The following SPON1 variants were observed in gnomAD, a reference collection of about 807,000 sequenced individuals.
SPON1 encodes the protein spondin 1, also known as spondin-1.
SPON1 carries 52 observed loss-of-function variants against 111.7 expected under a neutral mutation model. That is an observed-to-expected ratio of 0.47 (90% confidence interval 0.37 to 0.59). SPON1 has a LOEUF of 0.59. Ranked by LOEUF, SPON1 falls within the 20% of genes least tolerant of loss-of-function variation. SPON1 has a pLI of 0.00. For missense variants in SPON1, 957 were observed against 1,068.5 expected (o/e 0.90, Z 1.46); for synonymous variants, 410 against 395.8 (o/e 1.04, Z -0.43).
At chr11:14,201,743 A>G (rs1848466606) in intron 6 of SPON1, among the ~76,000 whole-genome samples, 1 of 152,200 alleles carries the variant, frequency 6.6e-6, no homozygotes, top group Non-Finnish European at 1.5e-5. Flanking sequence ...GAGTATATAC[A>G]CATAAGTATT....
intron 6 of SPON1, among the ~76,000 whole-genome samples, chr11:14,146,147 A>T (rs1554929318): frequency 1.6e-5 from 2 of 126,842 alleles, no homozygotes; most frequent in African/African-American, 2.8e-5. Flanking sequence ...ACAAATTACT[A>T]TACTTTTTTT....
At chr11:14,175,339 G>T (rs527342494) in intron 6 of SPON1, among the ~76,000 whole-genome samples, 77 of 152,272 alleles carry the variant, frequency 5.1e-4, no homozygotes, top group Non-Finnish European at 9.1e-4. Context: ...ATTCCCACAT[G>T]GTCACTAAGT....
intron 6 of SPON1, among the ~76,000 whole-genome samples, chr11:14,196,181 G>A (rs1172174507): frequency 6.6e-6 from 1 of 152,154 alleles, no homozygotes; most frequent in Non-Finnish European, 1.5e-5. Flanking sequence ...CTTCTCAGGG[G>A]GAGAGAAGAT....
At chr11:14,196,149 G>A (rs557001853) in intron 6 of SPON1, among the ~76,000 whole-genome samples, 4 of 152,292 alleles carry the variant, frequency 2.6e-5, no homozygotes, top group African/African-American at 4.8e-5. Flanking sequence ...AAGGATAGGC[G>A]ATGTGTCCTC....
In SPON1 at chr11:14,007,502, AATTAGATGGTGCCCACACAGCTG is replaced by A. The variant is rs1412021839; in HGVS notation, c.345+24566_345+24588del. Among the ~76,000 whole-genome samples the A allele has an allele frequency of 6.0e-5, 9 of 150,642 alleles. No homozygotes were observed. In the South Asian group the frequency reaches 1.9e-3, roughly 31 times the overall value. ...GCCTGCTTTATATTCATTGACAGCTAATTAGATGGTGCCCACACAGCTGATTAGATGGTGCCCACCCAGATTAA... is the reference window on the plus strand; with the variant it reads ...GCCTGCTTTATATTCATTGACAGCTAATTAGATGGTGCCCACCCAGATTAA... On this transcript the variant is annotated intron_variant, in intron 2 of 15. Transcript: ENST00000576479.
At chr11:14,218,244 A>G (rs1326651187) in intron 6 of SPON1, among the ~76,000 whole-genome samples, 1 of 152,158 alleles carries the variant, frequency 6.6e-6, no homozygotes, top group East Asian at 1.9e-4. Context: ...AAACCCAAAT[A>G]TCATACCTCC....
intron 2 of SPON1, among the ~76,000 whole-genome samples, chr11:14,013,959 A>T (rs190184087): frequency 1.8e-4 from 28 of 152,306 alleles, no homozygotes; most frequent in Admixed American, 1.7e-3. Flanking sequence ...TGTTTCCATT[A>T]TCGTGGATTT....
intron 2 of SPON1, among the ~76,000 whole-genome samples, chr11:14,011,511 G>T (rs1465271059): frequency 1.3e-5 from 2 of 151,782 alleles, no homozygotes; most frequent in East Asian, 3.9e-4. Context: ...GTCCACTCAT[G>T]AGTGGATTCC....
intron 1 of SPON1, 92 bp downstream of exon 1, chr11:13,963,234 C>A: frequency 9.8e-7 from 1 of 1,019,730 alleles, no homozygotes; most frequent in Non-Finnish European, 1.4e-6. Flanking sequence ...GCGCGGTCTC[C>A]GGGCGCGTGG....
chr11:14,180,160 CTT>C (rs1848221923), intron 6 of SPON1, among the ~76,000 whole-genome samples: 1 of 152,142 alleles, frequency 6.6e-6, no homozygotes, highest in African/African-American at 2.4e-5. Context: ...GGATGTGAGA[CTT>C]TTCAGTTTTA....
At chr11:14,040,036 T>C (rs1554917125) in intron 2 of SPON1, among the ~76,000 whole-genome samples, 1 of 152,184 alleles carries the variant, frequency 6.6e-6, no homozygotes, top group African/African-American at 2.4e-5. Context: ...GGTGAGGATA[T>C]GGAGGAAATT....
At chr11:14,187,327 A>T (rs1848295669) in intron 6 of SPON1, among the ~76,000 whole-genome samples, 1 of 152,104 alleles carries the variant, frequency 6.6e-6, no homozygotes, top group South Asian at 2.1e-4. Context: ...GGGGACAAAT[A>T]TCCAAACCAT....
chr11:14,103,413 A>G (rs1849159154), intron 5 of SPON1, among the ~76,000 whole-genome samples: 1 of 152,186 alleles, frequency 6.6e-6, no homozygotes, highest in South Asian at 2.1e-4. Flanking sequence ...GAGCTGGCCT[A>G]GTCCTGCAGA....
At chr11:14,108,255 TAGCTC>T (rs1849200450) in intron 5 of SPON1, among the ~76,000 whole-genome samples, 1 of 152,212 alleles carries the variant, frequency 6.6e-6, no homozygotes, top group African/African-American at 2.4e-5. Flanking sequence ...AAATGGTTCT[TAGCTC>T]AGAACAAGAC....
chr11:14,123,157 T>TCCTGTG (rs1425782506), intron 5 of SPON1, among the ~76,000 whole-genome samples: 2 of 152,056 alleles, frequency 1.3e-5, no homozygotes, highest in African/African-American at 4.8e-5. Flanking sequence ...GATCTCAAAC[T>TCCTGTG]CCTGTGCTCA....
intron 2 of SPON1, among the ~76,000 whole-genome samples, chr11:13,986,967 T>C (rs1417928341): frequency 1.3e-5 from 2 of 152,230 alleles, no homozygotes; most frequent in Non-Finnish European, 2.9e-5. Context: ...CTATTATTGA[T>C]GGACATTTGG....
intron 8 of SPON1, 129 bp from the exon 9 acceptor site, chr11:14,255,518 T>C (rs1564942521): frequency 3.7e-6 from 3 of 805,652 alleles, no homozygotes; most frequent in Admixed American, 5.0e-5. Context: ...CACAATTCCA[T>C]AAATATAAAT....
At chr11:14,110,233 T>C (rs1849217305) in intron 5 of SPON1, among the ~76,000 whole-genome samples, 1 of 152,204 alleles carries the variant, frequency 6.6e-6, no homozygotes, top group East Asian at 1.9e-4. Flanking sequence ...TTTGAGGATC[T>C]AATACCATCA....
intron 3 of SPON1, among the ~76,000 whole-genome samples, chr11:14,064,163 G>A (rs1424975460): frequency 6.6e-6 from 1 of 152,098 alleles, no homozygotes; most frequent in Non-Finnish European, 1.5e-5. Flanking sequence ...GGTCCACCAG[G>A]GAATAACAAG....
Sources: allele counts gnomAD v4.1 joint callset (sites outside exome capture counted in the v4.1 genomes callset), GRCh38; gene constraint gnomAD v4.1.1; transcripts MANE v1.5; gene names NCBI Gene and HGNC (gene_info 2026-07-23, HGNC 2026-07-21).